Variants in TRIM14 observed in about 807,000 individuals in gnomAD.
TRIM14 encodes tripartite motif-containing protein 14.
In TRIM14, 28 loss-of-function variants were observed where a neutral mutation model predicts 44.5. The observed-to-expected ratio is 0.63, with a 90% CI of 0.47 to 0.86. TRIM14 has a LOEUF of 0.86. TRIM14 is among the 40% of genes least tolerant of loss of function. The pLI is 0.00. For synonymous variants in TRIM14, 299 were observed against 269.2 expected (o/e 1.11, Z -1.08); for missense variants, 607 against 611.1 (o/e 0.99, Z 0.07).
chr9:98,064,244 A>T, the TRIM14 span, among the ~76,000 whole-genome samples: 4 of 151,980 alleles, frequency 2.6e-5, no homozygotes, highest in African/African-American at 7.2e-5. Flanking sequence ...TGTACTTAAC[A>T]ATCCTAATTC....
intron 1 of TRIM14, among the ~76,000 whole-genome samples, chr9:98,114,491 G>A (rs1826974664): frequency 1.3e-5 from 2 of 151,978 alleles, no homozygotes; most frequent in African/African-American, 2.4e-5. Flanking sequence ...CCGCCACCAC[G>A]CCTGGCTAAT....
rs1203471513 is a variant in TRIM14 at position 98,119,062 on chromosome 9, C to CGCAGCGGCG, written c.118_126dup (p.Arg40_Cys42dup). ...CCCAGCACCGGGCAAAGCGCGCACA[C>CGCAGCGGCG]GCAGCGGCGGCAGCGGCGACAGAAG... On this transcript the variant is annotated inframe_insertion, in exon 1 of 6. Transcript: ENST00000341469. 2 of 1,581,268 alleles carry CGCAGCGGCG rather than the reference C, an allele frequency of 1.3e-6. No individual in the cohort carries two copies. Among genetic ancestry groups the CGCAGCGGCG allele is most frequent in the Non-Finnish European group, 1.7e-6 (2 of 1,173,644 alleles).
chr9:98,057,118 C>G, the TRIM14 span, among the ~76,000 whole-genome samples: 5 of 152,372 alleles, frequency 3.3e-5, no homozygotes, highest in East Asian at 9.6e-4. Context: ...CCGCCACCCT[C>G]GTGACCTTTC....
chr9:98,038,370 C>T, the TRIM14 span, among the ~76,000 whole-genome samples: 5 of 151,990 alleles, frequency 3.3e-5, no homozygotes. Context: ...TTTTAAAGAA[C>T]TTCCTACATG....
downstream of TRIM14, among the ~76,000 whole-genome samples, chr9:98,079,403 T>C (rs1226739405): frequency 6.6e-6 from 1 of 152,244 alleles, no homozygotes; most frequent in Admixed American, 6.5e-5. Context: ...TATTTTCCTT[T>C]CAGTATAGTA....
At chr9:98,043,843 C>A in the TRIM14 span, among the ~76,000 whole-genome samples, 1 of 151,776 alleles carries the variant, frequency 6.6e-6, no homozygotes, top group Admixed American at 6.6e-5. Flanking sequence ...ATTCTGTGGA[C>A]CTTTGGGCTC....
In TRIM14 at chr9:98,085,081, T is replaced by C. The variant is rs1825725567; in HGVS notation, c.*2389A>G. The stretch of plus-strand genomic sequence containing the variant: ...CTGTCTCTGCTACATGAATCCCAAA[T>C]TTTTGAATCAAGTTCCCCTCTGGGC... On this transcript the variant is annotated 3_prime_UTR_variant, in exon 6 of 6. Coordinates refer to ENST00000341469, the MANE Select transcript of TRIM14 (RefSeq NM_014788.4). 1 of 152,204 alleles carries C rather than the reference T, an allele frequency of 6.6e-6. No individual in the cohort carries two copies. Among genetic ancestry groups the C allele is most frequent in the Non-Finnish European group, 1.5e-5 (1 of 68,046 alleles). 9.4% of individuals were successfully genotyped at this position (152,204 alleles called of 1,614,324 possible).
the TRIM14 span, among the ~76,000 whole-genome samples, chr9:98,052,529 CAA>C: frequency 6.6e-6 from 1 of 151,832 alleles, no homozygotes; most frequent in Non-Finnish European, 1.5e-5. Context: ...TTGTTTGAGA[CAA>C]AGTTTTGCTC....
At position 98,088,026 on chromosome 9, in the gene TRIM14, GA is replaced by G. The variant is rs760320557; in HGVS notation, c.794-22del. The G allele has an allele frequency of 1.3e-5, 19 of 1,480,184 alleles. No individual in the cohort carries two copies. In the Admixed American group the frequency reaches 4.3e-4, roughly 33 times the overall value. The allele number at this position is 1,480,184 out of a possible 1,614,324, so 91.7% of individuals were successfully genotyped here. On this transcript the variant is annotated intron_variant, in intron 5 of 5. Transcript: ENST00000341469. ...CGCGTCTGCAGGGGGCGAGACAAGG[GA>G]CGCACCTGGTGGGCGGGGCCAGCGC...
rs758182900 is a variant in TRIM14, at chr9:98,087,724, G to A, written c.1075C>T (p.Arg359Cys). ...TAGCGCTTGAGGCACCAGGACTGGC[G>A]GTTGCAGCCCAGGCGGGCGGCGGCC... The part of the protein sequence containing the change: ...ASAAARLGCN[R>C]QSWCLKRYDL... The change falls in exon 6 of 6, where the codon CGC (arginine) becomes TGC (cysteine). Residue 359 changes from arginine (R) to cysteine (C), a missense_variant. Around this residue, in one of 3 missense-constraint regions of TRIM14, gnomAD observed 356 missense variants for 323.0 expected, o/e 1.10. Coordinates refer to ENST00000341469, the MANE Select transcript of TRIM14 (RefSeq NM_014788.4). 6.3e-6 allele frequency: 10 copies of A among 1,591,598 alleles called. No individual in the cohort carries two copies. The highest frequency in any genetic ancestry group is 8.5e-6 in the Non-Finnish European group (10 of 1,175,876).
Position 98,103,836 on chromosome 9 carries a change from C to CAAA in TRIM14, c.304-3675_304-3673dup, listed in dbSNP as rs60368742. On this transcript the variant is annotated intron_variant, in intron 2 of 5. Transcript: ENST00000341469. The stretch of plus-strand genomic sequence containing the variant: ...CTGGCAACAGAGCGAGACTCCGTCT[C>CAAA]AAAAAAAAAAAAAAAAAAAATTAAA... Among the ~76,000 whole-genome samples the CAAA allele has an allele frequency of 5.7e-3, 424 of 74,570 alleles. 7 individuals carry two copies. The highest frequency in any genetic ancestry group is 0.02 in the African/African-American group (395 of 19,674). The allele number at this position is 74,570 out of a possible 152,430, so 48.9% of individuals were successfully genotyped here. A position where few individuals can be genotyped will look rare whatever the true frequency, so the allele number is the denominator to read the frequency against.
chr9:98,056,750 G>C, the TRIM14 span: 1 of 1,579,130 alleles, frequency 6.3e-7, no homozygotes, highest in Non-Finnish European at 8.6e-7. Context: ...GAGTAGAGGC[G>C]GCGGCGGCGG....
At chr9:98,057,903 TTTTTTTTTTTTTTTCCTGG>T in the TRIM14 span, among the ~76,000 whole-genome samples, 49 of 26,910 alleles carry the variant, frequency 1.8e-3, no homozygotes, top group African/African-American at 0.043. Flanking sequence ...TCTCTTACTG[TTTTTTTTTTTTTTTCCTGG>T]TTTTTTTTTT....
Position 98,086,003 on chromosome 9 carries a change from C to T in TRIM14, c.*1467G>A, listed in dbSNP as rs908809962. 6.6e-6 allele frequency: 1 copy of T among 152,274 alleles called. No individual in the cohort carries two copies. Among genetic ancestry groups the T allele is most frequent in the African/African-American group, 2.4e-5 (1 of 41,444 alleles). 9.4% of individuals were successfully genotyped at this position (152,274 alleles called of 1,614,324 possible). ...CAAATCCCTGGAAAGAAGCCTCCCACTCCCTGCTAGCGAAGGTGGCCTCCT... is the reference window on the plus strand; with the variant it reads ...CAAATCCCTGGAAAGAAGCCTCCCATTCCCTGCTAGCGAAGGTGGCCTCCT... On this transcript the variant is annotated 3_prime_UTR_variant, in exon 6 of 6. Transcript: ENST00000341469.
intron 5 of TRIM14, among the ~76,000 whole-genome samples, chr9:98,090,552 T>G (rs1825956068): frequency 6.9e-6 from 1 of 144,142 alleles, no homozygotes; most frequent in South Asian, 2.2e-4. Context: ...ACATTTTTGA[T>G]TTGTGCACTT....
intron 2 of TRIM14, among the ~76,000 whole-genome samples, chr9:98,108,340 G>A (rs1012271884): frequency 1.3e-5 from 2 of 152,110 alleles, no homozygotes; most frequent in African/African-American, 2.4e-5. Flanking sequence ...GCACAGCTTT[G>A]AATGTGGCAC....
chr9:98,041,388 G>A, the TRIM14 span, among the ~76,000 whole-genome samples: 2 of 151,808 alleles, frequency 1.3e-5, no homozygotes, highest in Admixed American at 6.6e-5. Flanking sequence ...GTTTCACCAT[G>A]TGGGCCAGGC....
the TRIM14 span, among the ~76,000 whole-genome samples, chr9:98,053,638 TAC>T: frequency 1.3e-5 from 2 of 150,622 alleles, no homozygotes; most frequent in African/African-American, 2.4e-5. Flanking sequence ...ATGTTTAACA[TAC>T]ACACACACAC....
At chr9:98,059,812 T>G in the TRIM14 span, among the ~76,000 whole-genome samples, 177 of 152,310 alleles carry the variant, frequency 1.2e-3, 1 homozygote, top group African/African-American at 4.1e-3. Flanking sequence ...GCTGGGGCAT[T>G]TTTGTTTTGT....
Sources: allele counts gnomAD v4.1 joint callset (sites outside exome capture counted in the v4.1 genomes callset), GRCh38; gene constraint gnomAD v4.1.1; regional missense constraint gnomAD v4.1.1; transcripts MANE v1.5; gene names NCBI Gene and HGNC (gene_info 2026-07-23, HGNC 2026-07-21).